Variants in PCDH15 observed in about 807,000 individuals in gnomAD.
The protein encoded by PCDH15 is protocadherin-15.
Under a neutral mutation model 178.5 loss-of-function variants are expected in PCDH15, and 129 were observed. That is an observed-to-expected ratio of 0.72 (90% CI 0.63 to 0.84). The LOEUF (loss-of-function observed/expected upper bound fraction) is 0.84, where lower values mean the gene tolerates loss of function less well. Ranked by LOEUF, PCDH15 falls within the 40% of genes least tolerant of loss-of-function variation. The probability of loss-of-function intolerance (pLI) is 0.00; values close to 1 mark genes in which losing one functional copy is unlikely to be tolerated. For synonymous variants in PCDH15, 800 were observed against 732.0 expected (o/e 1.09, Z -1.50); for missense variants, 2,230 against 2,099.9 (o/e 1.06, Z -1.21).
chr10:53,811,509 TTAAAA>T, intron 36 of PCDH15, 35 bp downstream of exon 36: 3 of 1,197,466 alleles, frequency 2.5e-6, no homozygotes, highest in Non-Finnish European at 3.4e-6. Flanking sequence ...TAATAAAATA[TTAAAA>T]TAAGAATCTG....
chr10:54,607,999 TA>T, intron 2 of PCDH15: 1 of 474,246 alleles, frequency 2.1e-6, no homozygotes, highest in Non-Finnish European at 4.1e-6. Flanking sequence ...TCATTTTGGT[TA>T]TTGTGAGAAG....
At chr10:54,023,581 T>A (rs905590952) in intron 18 of PCDH15, among the ~76,000 whole-genome samples, 2 of 148,662 alleles carry the variant, frequency 1.3e-5, no homozygotes, top group African/African-American at 4.9e-5. Flanking sequence ...TGTAGGTTTT[T>A]GCTCACTGTA....
At chr10:53,818,493 T>C (rs888053468) in intron 33 of PCDH15, 2 of 152,178 alleles carry the variant, frequency 1.3e-5, no homozygotes, top group African/African-American at 4.8e-5. Context: ...ATTTTCTTTA[T>C]GTTAATTCTA....
At chr10:54,489,314 T>G (rs1421850016) in intron 3 of PCDH15, among the ~76,000 whole-genome samples, 1 of 151,530 alleles carries the variant, frequency 6.6e-6, no homozygotes, top group Non-Finnish European at 1.5e-5. Context: ...AATTCCTAAA[T>G]TTAGAAAAAT....
chr10:55,616,927 TGTTAC>T (rs1843491035), intron 2 of PCDH15, among the ~76,000 whole-genome samples: 1 of 152,076 alleles, frequency 6.6e-6, no homozygotes, highest in Non-Finnish European at 1.5e-5. Flanking sequence ...TACATTATTA[TGTTAC>T]ATGTATTATA....
chr10:54,532,296 A>G (rs974801833), intron 2 of PCDH15, among the ~76,000 whole-genome samples: 4 of 152,284 alleles, frequency 2.6e-5, no homozygotes, highest in African/African-American at 4.8e-5. Flanking sequence ...AATGTAAACT[A>G]ACATATTTTA....
chr10:54,081,713 T>C (rs533757335), intron 16 of PCDH15, among the ~76,000 whole-genome samples: 10 of 152,168 alleles, frequency 6.6e-5, no homozygotes, highest in African/African-American at 2.4e-4. Context: ...GTACACTTAG[T>C]AATGCAATAC....
At chr10:55,143,920 C>A (rs1838422423) in intron 2 of PCDH15, among the ~76,000 whole-genome samples, 1 of 151,922 alleles carries the variant, frequency 6.6e-6, no homozygotes, top group African/African-American at 2.4e-5. Flanking sequence ...GATCTTAGCC[C>A]TTTTTACTGA....
chr10:54,632,256 G>T (rs1051988465), intron 2 of PCDH15, among the ~76,000 whole-genome samples: 16 of 152,104 alleles, frequency 1.1e-4, no homozygotes, highest in African/African-American at 3.6e-4. Flanking sequence ...ATAAATATGG[G>T]AACACTAGCA....
At chr10:54,472,644 A>C (rs1465817023) in intron 3 of PCDH15, among the ~76,000 whole-genome samples, 1 of 152,140 alleles carries the variant, frequency 6.6e-6, no homozygotes, top group Non-Finnish European at 1.5e-5. Flanking sequence ...AATCCAGAAA[A>C]ATTAAAATTA....
chr10:55,100,442 G>T (rs113228032), intron 2 of PCDH15, among the ~76,000 whole-genome samples: 1,970 of 152,196 alleles, frequency 0.013, 49 homozygotes, highest in African/African-American at 0.044. Context: ...CTGCTATAAA[G>T]AAATACTTGA....
chr10:55,090,911 TC>T (rs1421570324), intron 2 of PCDH15, among the ~76,000 whole-genome samples: 1 of 111,530 alleles, frequency 9.0e-6, no homozygotes, highest in Non-Finnish European at 1.6e-5. Flanking sequence ...ATGTACTATT[TC>T]TTTTTTTTGG....
intron 1 of PCDH15, among the ~76,000 whole-genome samples, chr10:55,193,114 C>G (rs1839988676): frequency 6.6e-6 from 1 of 151,300 alleles, no homozygotes; most frequent in African/African-American, 2.4e-5. Context: ...CCTGGACATA[C>G]TGCTCTTTGT....
intron 2 of PCDH15, among the ~76,000 whole-genome samples, chr10:55,607,558 C>G (rs1843251455): frequency 2.1e-5 from 3 of 145,202 alleles, no homozygotes; most frequent in Admixed American, 1.4e-4. Context: ...CCATGGAATA[C>G]TATGCAGCCA....
At chr10:55,267,957 C>T (rs903215089) in intron 1 of PCDH15, among the ~76,000 whole-genome samples, 5 of 149,478 alleles carry the variant, frequency 3.3e-5, no homozygotes, top group African/African-American at 9.7e-5. Context: ...AAGCAAACTT[C>T]AAGTTTAATC....
chr10:55,247,581 A>G (rs1841710956), intron 1 of PCDH15, among the ~76,000 whole-genome samples: 1 of 152,016 alleles, frequency 6.6e-6, no homozygotes, highest in Non-Finnish European at 1.5e-5. Context: ...AAAGCAGTGC[A>G]ACTTTTTACA....
At chr10:55,362,117 A>G (rs1304344426) in intron 2 of PCDH15, among the ~76,000 whole-genome samples, 1 of 152,110 alleles carries the variant, frequency 6.6e-6, no homozygotes, top group Non-Finnish European at 1.5e-5. Context: ...TCCATTGGTC[A>G]TGTTTCTTTC....
intron 2 of PCDH15, among the ~76,000 whole-genome samples, chr10:55,162,314 T>C (rs368057725): frequency 6.6e-6 from 1 of 152,200 alleles, no homozygotes; most frequent in Non-Finnish European, 1.5e-5. Context: ...AAAATAACTA[T>C]GTTTCTTTAA....
At chr10:54,482,614 C>T (rs1341518970) in intron 3 of PCDH15, among the ~76,000 whole-genome samples, 1 of 151,576 alleles carries the variant, frequency 6.6e-6, no homozygotes. Context: ...TACCAGGTAC[C>T]TTAGCAGGCA....
Sources: allele counts gnomAD v4.1 joint callset (sites outside exome capture counted in the v4.1 genomes callset), GRCh38; gene constraint gnomAD v4.1.1; transcripts MANE v1.5; gene names NCBI Gene and HGNC (gene_info 2026-07-23, HGNC 2026-07-21).